Variants in GRIK4 observed in about 807,000 individuals in gnomAD.
GRIK4 encodes glutamate receptor ionotropic, kainate 4.
In GRIK4, 40 loss-of-function variants were observed where a neutral mutation model predicts 104.9. The observed-to-expected ratio is 0.38, with a 90% CI of 0.30 to 0.50. The LOEUF (loss-of-function observed/expected upper bound fraction) is 0.50. GRIK4 is among the 20% of genes least tolerant of loss of function. The pLI, the probability that GRIK4 is intolerant of heterozygous loss-of-function variation, is 0.93. For missense variants in GRIK4, 1,047 were observed against 1,308.1 expected, an observed-to-expected ratio of 0.80 and a Z score of 3.08; for synonymous variants, 485 against 524.9, an observed-to-expected ratio of 0.92 and a Z score of 1.04.
intron 1 of GRIK4, among the ~76,000 whole-genome samples, chr11:120,568,666 G>A (rs1201686387): frequency 6.6e-6 from 1 of 152,164 alleles, no homozygotes; most frequent in African/African-American, 2.4e-5. Flanking sequence ...GGGATTACAG[G>A]TGTAAGTCAC....
At chr11:120,586,835 T>TTA (rs1182739833) in intron 1 of GRIK4, among the ~76,000 whole-genome samples, 2 of 152,112 alleles carry the variant, frequency 1.3e-5, no homozygotes, top group Non-Finnish European at 2.9e-5. Context: ...TCCTGATGTG[T>TTA]GGTTAGGATC....
chr11:120,734,480 T>C (rs1183310628), intron 3 of GRIK4, among the ~76,000 whole-genome samples: 1 of 152,222 alleles, frequency 6.6e-6, no homozygotes, highest in Non-Finnish European at 1.5e-5. Context: ...TCTTTATTTC[T>C]GACTTTTGGG....
intron 1 of GRIK4, among the ~76,000 whole-genome samples, chr11:120,615,251 C>A (rs768636488): frequency 1.3e-5 from 2 of 152,170 alleles, no homozygotes; most frequent in Non-Finnish European, 2.9e-5. Context: ...AACCTAGTAC[C>A]ATACCATCTT....
At chr11:120,824,875 T>C (rs1305433434) in intron 6 of GRIK4, among the ~76,000 whole-genome samples, 1 of 151,970 alleles carries the variant, frequency 6.6e-6, no homozygotes, top group Admixed American at 6.6e-5. Flanking sequence ...TATTTTTTAA[T>C]GCTTGCTTTT....
chr11:120,539,331 G>A (rs1344368864), intron 1 of GRIK4, among the ~76,000 whole-genome samples: 2 of 152,228 alleles, frequency 1.3e-5, no homozygotes, highest in Non-Finnish European at 2.9e-5. Flanking sequence ...GCAGACCCCC[G>A]AGGGTGAGCC....
At position 120,986,449 on chromosome 11, in the gene GRIK4, G is replaced by A. The variant is rs1214481078; in HGVS notation, c.*189G>A. ...AGAGACCGCGCCCGGTCAGGGAGCA[G>A]GGTCCACCCGGAAACGTTGCACCCA... On this transcript the variant is annotated 3_prime_UTR_variant, in exon 21 of 21. Transcript: ENST00000527524. 1 of 767,158 alleles carries A rather than the reference G, an allele frequency of 1.3e-6. No individual in the cohort carries two copies. Among genetic ancestry groups the A allele is most frequent in the Non-Finnish European group, 1.9e-6 (1 of 516,878 alleles). The allele number at this position is 767,158 out of a possible 1,614,324, so 47.5% of individuals were successfully genotyped here. A position where few individuals can be genotyped will look rare whatever the true frequency, so the allele number is the denominator to read the frequency against.
intron 1 of GRIK4, among the ~76,000 whole-genome samples, chr11:120,518,885 T>C (rs765293214): frequency 3.3e-5 from 5 of 152,216 alleles, no homozygotes; most frequent in Non-Finnish European, 7.3e-5. Context: ...TCCAAAGTGC[T>C]GACATTATAG....
At chr11:120,941,387 G>C (rs1213355793) in intron 14 of GRIK4, among the ~76,000 whole-genome samples, 1 of 152,118 alleles carries the variant, frequency 6.6e-6, no homozygotes, top group Non-Finnish European at 1.5e-5. Flanking sequence ...CCCTTGCCAG[G>C]CCCCACATCC....
intron 11 of GRIK4, among the ~76,000 whole-genome samples, chr11:120,885,459 C>T (rs1333139708): frequency 6.6e-6 from 1 of 151,656 alleles, no homozygotes; most frequent in Admixed American, 6.6e-5. Flanking sequence ...AATCTTGGCT[C>T]ACTGCAACCT....
At chr11:120,855,501 T>G (rs1203790844) in intron 8 of GRIK4, among the ~76,000 whole-genome samples, 1 of 152,218 alleles carries the variant, frequency 6.6e-6, no homozygotes, top group Non-Finnish European at 1.5e-5. Flanking sequence ...GATCTGGAAC[T>G]TCAACTAAAG....
intron 2 of GRIK4, among the ~76,000 whole-genome samples, chr11:120,654,806 C>T (rs1015404333): frequency 2.0e-5 from 3 of 152,074 alleles, no homozygotes; most frequent in Non-Finnish European, 4.4e-5. Flanking sequence ...GCTGATTTGC[C>T]CAAGGTGTGC....
intron 1 of GRIK4, among the ~76,000 whole-genome samples, chr11:120,520,821 T>C (rs2136073568): frequency 6.6e-6 from 1 of 152,334 alleles, no homozygotes; most frequent in African/African-American, 2.4e-5. Flanking sequence ...TTATTGCTCC[T>C]GACAGCATCT....
intron 1 of GRIK4, among the ~76,000 whole-genome samples, chr11:120,605,197 C>A (rs1361669444): frequency 6.6e-6 from 1 of 152,104 alleles, no homozygotes; most frequent in East Asian, 1.9e-4. Flanking sequence ...AGTTAGGGAC[C>A]CCTGGGAAAG....
intron 3 of GRIK4, among the ~76,000 whole-genome samples, chr11:120,688,257 A>G (rs1950304433): frequency 1.3e-5 from 2 of 152,104 alleles, no homozygotes; most frequent in South Asian, 4.1e-4. Context: ...TGATTGTTAT[A>G]TTTCTTCTAG....
intron 1 of GRIK4, among the ~76,000 whole-genome samples, chr11:120,622,228 G>A (rs1164306459): frequency 1.3e-5 from 2 of 152,182 alleles, no homozygotes; most frequent in Middle Eastern, 3.4e-3. Context: ...TGTGACAAAT[G>A]TGCAACCACC....
At chr11:120,795,941 A>G (rs1435679495) in intron 3 of GRIK4, among the ~76,000 whole-genome samples, 5 of 152,040 alleles carry the variant, frequency 3.3e-5, no homozygotes, top group Non-Finnish European at 7.4e-5. Flanking sequence ...TTTACCTAAT[A>G]CAGTATAAGT....
intron 1 of GRIK4, among the ~76,000 whole-genome samples, chr11:120,546,041 G>A (rs562935904): frequency 1.2e-4 from 19 of 152,236 alleles, no homozygotes; most frequent in Non-Finnish European, 1.0e-4. Context: ...TCTCCCCTTC[G>A]TGTCTCTGTG....
rs1027801316 is a variant in GRIK4, at chr11:120,540,779, G to A, written c.-159+28892G>A. On this transcript the variant is annotated intron_variant, in intron 1 of 20. Transcript: ENST00000527524. ...GGCATTTTTGGGTACAAGGACAATA[G>A]CTTGCATCAGATTTTCAAAGAGGAC... Among the ~76,000 whole-genome samples the A allele has an allele frequency of 2.6e-5, 4 of 151,976 alleles. No homozygotes were observed. In the South Asian group the frequency reaches 8.3e-4, roughly 32 times the overall value.
At chr11:120,790,306 T>G (rs964632501) in intron 3 of GRIK4, among the ~76,000 whole-genome samples, 1 of 152,178 alleles carries the variant, frequency 6.6e-6, no homozygotes, top group Non-Finnish European at 1.5e-5. Flanking sequence ...GCCTTACCCA[T>G]GTCAATTAGA....
Sources: allele counts gnomAD v4.1 joint callset (sites outside exome capture counted in the v4.1 genomes callset), GRCh38; gene constraint gnomAD v4.1.1; transcripts MANE v1.5; gene names NCBI Gene and HGNC (gene_info 2026-07-23, HGNC 2026-07-21).